The following CFAP61 variants were observed in gnomAD, a reference collection of about 807,000 sequenced individuals.
CFAP61 encodes cilia and flagella associated protein 61.
CFAP61 carries 107 observed loss-of-function variants against 135.6 expected under a neutral mutation model. The observed-to-expected ratio is 0.79, with a 90% CI of 0.67 to 0.93. The LOEUF (loss-of-function observed/expected upper bound fraction) is 0.93. Among genes scored for constraint, CFAP61 ranks in the 40% least tolerant of loss-of-function variants. The pLI is 0.00. For synonymous variants in CFAP61, 575 were observed against 578.5 expected (o/e 0.99, Z 0.09); for missense variants, 1,507 against 1,556.2 (o/e 0.97, Z 0.53).
chr20:20,071,038 C>T (rs746021626), intron 3 of CFAP61, 34 bp downstream of exon 3: 1 of 1,603,618 alleles, frequency 6.2e-7, no homozygotes, highest in Non-Finnish European at 8.5e-7. Flanking sequence ...GTTAGAACAC[C>T]CTGAATCTTG....
chr20:20,101,650 AG>A (rs1284351418), intron 8 of CFAP61, among the ~76,000 whole-genome samples: 8 of 54,460 alleles, frequency 1.5e-4, no homozygotes, highest in African/African-American at 6.8e-4. Flanking sequence ...TTTGAGATGA[AG>A]GCCCCCCTCT....
intron 18 of CFAP61, among the ~76,000 whole-genome samples, chr20:20,228,985 A>G (rs1052375982): frequency 1.3e-5 from 2 of 152,226 alleles, no homozygotes; most frequent in African/African-American, 2.4e-5. Context: ...ACTTTCAGAA[A>G]TGGCATGTGG....
intron 17 of CFAP61, among the ~76,000 whole-genome samples, chr20:20,203,152 C>T (rs1462287292): frequency 1.3e-5 from 2 of 152,054 alleles, no homozygotes; most frequent in East Asian, 3.9e-4. Context: ...TATTAATTGA[C>T]AGCCTACCCC....
chr20:20,063,227 A>G (rs1443262837), intron 2 of CFAP61, among the ~76,000 whole-genome samples: 1 of 152,242 alleles, frequency 6.6e-6, no homozygotes, highest in Non-Finnish European at 1.5e-5. Context: ...TTTTTAGCTC[A>G]CTTTATGAGG....
At chr20:20,112,946 G>C (rs1321398569) in intron 8 of CFAP61, among the ~76,000 whole-genome samples, 1 of 152,080 alleles carries the variant, frequency 6.6e-6, no homozygotes, top group Admixed American at 6.5e-5. Context: ...GAAGTGGTTT[G>C]ATTTTCATTG....
At chr20:20,106,380 AG>A (rs2048408406) in intron 8 of CFAP61, among the ~76,000 whole-genome samples, 2 of 152,196 alleles carry the variant, frequency 1.3e-5, no homozygotes, top group African/African-American at 4.8e-5. Context: ...AAACAACCAT[AG>A]CATCAAAGGA....
chr20:20,162,329 A>G (rs1465080282), intron 10 of CFAP61, among the ~76,000 whole-genome samples: 2 of 152,204 alleles, frequency 1.3e-5, no homozygotes. Flanking sequence ...TACAGGTTGC[A>G]GGGACTAGTA....
At position 20,280,199 on chromosome 20, in the gene CFAP61, C is replaced by T. The variant is rs1276270865; in HGVS notation, c.2796+2741C>T. Among the ~76,000 whole-genome samples the T allele has an allele frequency of 2.0e-5, 3 of 152,252 alleles. No individual in the cohort carries two copies. The South Asian group carries it at 6.2e-4, about 32-fold the overall frequency. ...GTCCTTAAATAGAGAGATTTGATGG[C>T]ATACAGGGACACGCAATGAAGAAAA... On this transcript the variant is annotated intron_variant, in intron 22 of 26. Transcript: ENST00000245957.
intron 26 of CFAP61, among the ~76,000 whole-genome samples, chr20:20,356,313 TGA>T (rs543295981): frequency 4.1e-4 from 51 of 124,304 alleles, no homozygotes; most frequent in African/African-American, 1.6e-3. Flanking sequence ...GTGGTCACAC[TGA>T]GGGGAAGTGG....
chr20:20,154,397 A>G (rs6046665), intron 9 of CFAP61, among the ~76,000 whole-genome samples: 137,785 of 152,112 alleles, frequency 0.91, 63,227 homozygotes, highest in Middle Eastern at 0.99. Flanking sequence ...ATCCAAATTG[A>G]TAAAGAAGAG....
At chr20:20,261,634 A>G (rs2052227745) in intron 20 of CFAP61, among the ~76,000 whole-genome samples, 1 of 152,118 alleles carries the variant, frequency 6.6e-6, no homozygotes, top group African/African-American at 2.4e-5. Context: ...TTTTGCAATG[A>G]CACTTCTTTG....
At chr20:20,133,029 A>G (rs568446176) in intron 8 of CFAP61, among the ~76,000 whole-genome samples, 71 of 152,126 alleles carry the variant, frequency 4.7e-4, no homozygotes, top group Non-Finnish European at 7.2e-4. Flanking sequence ...CTTACTTTCT[A>G]CATGTCCTCT....
intron 25 of CFAP61, among the ~76,000 whole-genome samples, chr20:20,307,666 A>G (rs1334219090): frequency 6.6e-6 from 1 of 152,236 alleles, no homozygotes; most frequent in African/African-American, 2.4e-5. Flanking sequence ...TTATTTTTAA[A>G]ATTGTATGGG....
chr20:20,323,173 A>C (rs933889500), intron 25 of CFAP61: 2 of 985,346 alleles, frequency 2.0e-6, no homozygotes, highest in African/African-American at 3.5e-5. Context: ...TTGAGCCAGT[A>C]TACCTTTAAA....
intron 25 of CFAP61, chr20:20,322,761 C>G: frequency 1.0e-6 from 1 of 985,294 alleles, no homozygotes; most frequent in Non-Finnish European, 1.2e-6. Flanking sequence ...AGAGGGTCCT[C>G]GTGTTGCCTA....
chr20:20,325,821 A>T (rs2057727090), intron 25 of CFAP61, among the ~76,000 whole-genome samples: 1 of 152,190 alleles, frequency 6.6e-6, no homozygotes, highest in African/African-American at 2.4e-5. Flanking sequence ...ACCATTTTGT[A>T]TTTCCACCAG....
At chr20:20,066,760 A>G (rs1206036015) in intron 2 of CFAP61, among the ~76,000 whole-genome samples, 1 of 152,174 alleles carries the variant, frequency 6.6e-6, no homozygotes, top group Non-Finnish European at 1.5e-5. Context: ...CCACAATGGC[A>G]CGTGTATATG....
intron 7 of CFAP61, among the ~76,000 whole-genome samples, chr20:20,095,051 T>C (rs917210964): frequency 1.3e-5 from 2 of 152,218 alleles, no homozygotes; most frequent in Non-Finnish European, 2.9e-5. Context: ...TAATAAATTA[T>C]ATTAAAACAA....
At chr20:20,224,589 C>G (rs962866070) in intron 17 of CFAP61, among the ~76,000 whole-genome samples, 2 of 152,122 alleles carry the variant, frequency 1.3e-5, no homozygotes. Flanking sequence ...TTAAAATCAT[C>G]CCTTTGTCAA....
Sources: allele counts gnomAD v4.1 joint callset (sites outside exome capture counted in the v4.1 genomes callset), GRCh38; gene constraint gnomAD v4.1.1; transcripts MANE v1.5; gene names NCBI Gene and HGNC (gene_info 2026-07-23, HGNC 2026-07-21).